STK32B: variants seen among roughly 807,000 people sequenced by gnomAD.
STK32B encodes serine/threonine kinase 32B, also known as serine/threonine-protein kinase 32B.
In STK32B, 43 loss-of-function variants were observed where a neutral mutation model predicts 52.6. The ratio of observed to expected loss-of-function variants is 0.82; its 90% CI spans 0.64 to 1.05. The LOEUF is 1.05. Ranked by LOEUF, STK32B falls within the 50% of genes least tolerant of loss-of-function variation. The pLI, the probability that STK32B is intolerant of heterozygous loss-of-function variation, is 0.00. For missense variants in STK32B, 621 were observed against 534.6 expected, an observed-to-expected ratio of 1.16 and a Z score of -1.59; for synonymous variants, 238 against 204.3, an observed-to-expected ratio of 1.17 and a Z score of -1.41.
intron 4 of STK32B, among the ~76,000 whole-genome samples, chr4:5,387,559 T>C (rs942295022): frequency 3.3e-5 from 5 of 152,038 alleles, no homozygotes; most frequent in African/African-American, 9.7e-5. Context: ...CAGGCAGAGA[T>C]TGGGGCCTGG....
chr4:5,061,712 A>G (rs1004358332), intron 1 of STK32B, among the ~76,000 whole-genome samples: 16 of 152,290 alleles, frequency 1.1e-4, no homozygotes, highest in African/African-American at 2.6e-4. Flanking sequence ...GGGCTGGTCT[A>G]TGTTTCACAC....
intron 4 of STK32B, among the ~76,000 whole-genome samples, chr4:5,360,877 T>G (rs1734502324): frequency 6.6e-6 from 1 of 152,174 alleles, no homozygotes; most frequent in African/African-American, 2.4e-5. Context: ...ATTTAGCACC[T>G]TAACAGTTTT....
At chr4:5,419,822 A>G (rs1218944567) in intron 6 of STK32B, among the ~76,000 whole-genome samples, 1 of 152,216 alleles carries the variant, frequency 6.6e-6, no homozygotes, top group Non-Finnish European at 1.5e-5. Context: ...AATCTATACC[A>G]TCATATCCCT....
chr4:5,245,777 C>G (rs10015435), intron 3 of STK32B, among the ~76,000 whole-genome samples: 1 of 152,040 alleles, frequency 6.6e-6, no homozygotes, highest in Non-Finnish European at 1.5e-5. Context: ...GGTGGTGACA[C>G]AATCTCTCAG....
intron 3 of STK32B, among the ~76,000 whole-genome samples, chr4:5,189,963 AAG>A (rs1425109288): frequency 6.6e-6 from 1 of 152,132 alleles, no homozygotes; most frequent in Non-Finnish European, 1.5e-5. Flanking sequence ...GTTGCTCAGT[AAG>A]TAGTTGTCGA....
At chr4:5,168,227 G>T (rs918188549) in intron 2 of STK32B, 72 bp from the exon 3 acceptor site, 4 of 1,541,784 alleles carry the variant, frequency 2.6e-6, no homozygotes, top group Non-Finnish European at 2.6e-6. Flanking sequence ...AATGCAGTGC[G>T]GGGTGACATT....
At chr4:5,429,506 G>A (rs1713382259) in intron 6 of STK32B, among the ~76,000 whole-genome samples, 2 of 151,798 alleles carry the variant, frequency 1.3e-5, no homozygotes, top group South Asian at 4.2e-4. Context: ...GTTACAGCAT[G>A]TGTAATCTTA....
intron 3 of STK32B, among the ~76,000 whole-genome samples, chr4:5,196,598 A>G (rs1291517234): frequency 1.3e-5 from 2 of 151,782 alleles, no homozygotes; most frequent in Non-Finnish European, 2.9e-5. Flanking sequence ...GCGCACGCCT[A>G]TAATCCCAGC....
At chr4:5,376,129 G>A (rs1415363545) in intron 4 of STK32B, among the ~76,000 whole-genome samples, 1 of 152,180 alleles carries the variant, frequency 6.6e-6, no homozygotes, top group African/African-American at 2.4e-5. Flanking sequence ...TCCTGTGGGG[G>A]TGCTCTGCTT....
At chr4:5,254,968 A>G (rs1726196445) in intron 3 of STK32B, among the ~76,000 whole-genome samples, 1 of 151,124 alleles carries the variant, frequency 6.6e-6, no homozygotes, top group Non-Finnish European at 1.5e-5. Context: ...ATTCACTAAT[A>G]TATATATATG....
intron 1 of STK32B, among the ~76,000 whole-genome samples, chr4:5,055,716 A>G (rs1741976317): frequency 6.6e-6 from 1 of 151,798 alleles, no homozygotes; most frequent in Non-Finnish European, 1.5e-5. Flanking sequence ...CCCTCACACC[A>G]TAGCCCTGGC....
At chr4:5,296,003 G>C (rs1729174830) in intron 3 of STK32B, among the ~76,000 whole-genome samples, 1 of 151,998 alleles carries the variant, frequency 6.6e-6, no homozygotes, top group South Asian at 2.1e-4. Context: ...ATTTATTTCT[G>C]CCTTAATTTC....
At chr4:5,368,631 C>A (rs548665144) in intron 4 of STK32B, among the ~76,000 whole-genome samples, 5 of 152,258 alleles carry the variant, frequency 3.3e-5, no homozygotes, top group Non-Finnish European at 7.4e-5. Context: ...CCTTGGTGGT[C>A]GATGGCCTCA....
chr4:5,430,692 T>G (rs2526306), intron 6 of STK32B, among the ~76,000 whole-genome samples: 71,414 of 130,082 alleles, frequency 0.55, 17,501 homozygotes, highest in South Asian at 0.71. Context: ...ACTACTATGC[T>G]TTTAGTTTTC....
chr4:5,206,791 G>T (rs1722602561), intron 3 of STK32B, among the ~76,000 whole-genome samples: 1 of 152,198 alleles, frequency 6.6e-6, no homozygotes, highest in African/African-American at 2.4e-5. Context: ...GAAGGAGCCT[G>T]CCCCGGGGTC....
intron 3 of STK32B, among the ~76,000 whole-genome samples, chr4:5,243,534 T>C (rs961010227): frequency 6.6e-6 from 1 of 152,170 alleles, no homozygotes; most frequent in Admixed American, 6.5e-5. Flanking sequence ...ACAGGGACAA[T>C]TTGACATCCT....
chr4:5,283,395 A>G (rs1728336028), intron 3 of STK32B, among the ~76,000 whole-genome samples: 1 of 152,190 alleles, frequency 6.6e-6, no homozygotes, highest in African/African-American at 2.4e-5. Context: ...AAAGAGAAGA[A>G]AGAGAAAAAG....
chr4:5,264,466 C>T (rs1229253228), intron 3 of STK32B, among the ~76,000 whole-genome samples: 2 of 149,814 alleles, frequency 1.3e-5, no homozygotes, highest in African/African-American at 5.1e-5. Context: ...AAGCCTTTTG[C>T]CTATTTTTAA....
chr4:5,358,700 T>TGC (rs1560349831), intron 4 of STK32B, among the ~76,000 whole-genome samples: 1 of 112,692 alleles, frequency 8.9e-6, no homozygotes, highest in African/African-American at 3.4e-5. Context: ...TTCACACACA[T>TGC]GCACACACAC....
Sources: allele counts gnomAD v4.1 joint callset (sites outside exome capture counted in the v4.1 genomes callset), GRCh38; gene constraint gnomAD v4.1.1; transcripts MANE v1.5; gene names NCBI Gene and HGNC (gene_info 2026-07-23, HGNC 2026-07-21).